The following TOP2A variants were observed in gnomAD, a reference collection of about 807,000 sequenced individuals.
TOP2A encodes DNA topoisomerase II alpha.
Under a neutral mutation model 187.2 loss-of-function variants are expected in TOP2A, and 68 were observed. The ratio of observed to expected loss-of-function variants is 0.36; its 90% CI spans 0.30 to 0.44. The LOEUF (loss-of-function observed/expected upper bound fraction) is 0.44, where lower values mean the gene tolerates loss of function less well. TOP2A is among the 20% of genes least tolerant of loss of function. The pLI is 1.00. For synonymous variants in TOP2A, 542 were observed against 593.2 expected (o/e 0.91, Z 1.25); for missense variants, 1,196 against 1,808.7 (o/e 0.66, Z 6.14).
At chr17:40,408,343 C>T (rs937075995) in intron 11 of TOP2A, 149 bp downstream of exon 11, 17 of 903,560 alleles carry the variant, frequency 1.9e-5, no homozygotes, top group Admixed American at 3.2e-5. Context: ...CTAAATCTTC[C>T]ATAATAGGAA....
chr17:40,401,247 G>A (rs2035176898), intron 20 of TOP2A, among the ~76,000 whole-genome samples, 166 bp from the exon 21 acceptor site: 2 of 152,140 alleles, frequency 1.3e-5, no homozygotes, highest in African/African-American at 4.8e-5. Flanking sequence ...CACGCACATG[G>A]ACATAAAGTC....
intron 7 of TOP2A, 107 bp downstream of exon 7, chr17:40,412,652 A>G: frequency 1.0e-6 from 1 of 956,914 alleles, no homozygotes. Context: ...TCAAACAAAC[A>G]AACAAACAAA....
At chr17:40,407,208 G>A (rs1048359156) in intron 13 of TOP2A, among the ~76,000 whole-genome samples, 4 of 152,200 alleles carry the variant, frequency 2.6e-5, no homozygotes, top group Non-Finnish European at 4.4e-5. Context: ...AGGTTGCAGT[G>A]AGCCAAGATT....
chr17:40,416,170 G>A, intron 3 of TOP2A, 102 bp from the exon 4 acceptor site: 1 of 959,384 alleles, frequency 1.0e-6, no homozygotes, highest in African/African-American at 1.7e-5. Flanking sequence ...AACAGCACAG[G>A]AGTGGCATTA....
rs748032091 is a variant in TOP2A, at chr17:40,400,077, G to A, written c.3001-10C>T. 4 of 1,601,174 alleles carry A rather than the reference G, an allele frequency of 2.5e-6. No individual in the cohort carries two copies. The highest frequency in any genetic ancestry group is 3.4e-6 in the Non-Finnish European group (4 of 1,175,420). On this transcript the variant is annotated splice_polypyrimidine_tract_variant and intron_variant, in intron 23 of 34. Transcript: ENST00000423485. ...CGTGGTCAAAAAGCACCTGAAAAAG[G>A]AAAACAAGATTAGAGCCAAGAATAG...
At chr17:40,403,362 C>G (rs2035204308) in intron 19 of TOP2A, among the ~76,000 whole-genome samples, 1 of 152,152 alleles carries the variant, frequency 6.6e-6, no homozygotes, top group African/African-American at 2.4e-5. Flanking sequence ...TAGCATGTAT[C>G]ACTTTATTCT....
At chr17:40,397,048 A>G (rs2044790370) in intron 27 of TOP2A, among the ~76,000 whole-genome samples, 1 of 151,632 alleles carries the variant, frequency 6.6e-6, no homozygotes, top group African/African-American at 2.4e-5. Flanking sequence ...ATGCCTGGCT[A>G]TTTAAAAAAA....
chr17:40,390,371 G>T (rs2035007369), intron 33 of TOP2A, among the ~76,000 whole-genome samples: 1 of 151,586 alleles, frequency 6.6e-6, no homozygotes, highest in Non-Finnish European at 1.5e-5. Context: ...TGTATTTTTA[G>T]TAGAGATGGG....
intron 1 of TOP2A, 25 bp downstream of exon 1, chr17:40,417,746 C>G (rs377511086): frequency 6.2e-7 from 1 of 1,612,416 alleles, no homozygotes; most frequent in Admixed American, 1.7e-5. Context: ...GAGGCTCCAC[C>G]GCCAGTCCCC....
At chr17:40,392,799 T>A (rs2035042122) in intron 29 of TOP2A, 62 bp from the exon 30 acceptor site, 1 of 1,301,266 alleles carries the variant, frequency 7.7e-7, no homozygotes, top group Non-Finnish European at 1.1e-6. Context: ...CCATCTATCA[T>A]CCATCCATCC....
intron 17 of TOP2A, 57 bp downstream of exon 17, chr17:40,404,734 C>G: frequency 1.7e-6 from 2 of 1,144,040 alleles, no homozygotes; most frequent in South Asian, 1.3e-5. Flanking sequence ...GCTATAGTAT[C>G]AATACCAAAA....
intron 20 of TOP2A, among the ~76,000 whole-genome samples, chr17:40,402,059 G>A (rs761043282): frequency 5.3e-5 from 8 of 152,154 alleles, no homozygotes; most frequent in Non-Finnish European, 1.2e-4. Flanking sequence ...TAGATGAGAT[G>A]GGGGTGGCTT....
At chr17:40,397,945 A>G (rs191434595) in intron 27 of TOP2A, among the ~76,000 whole-genome samples, 2 of 149,080 alleles carry the variant, frequency 1.3e-5, no homozygotes, top group African/African-American at 4.9e-5. Flanking sequence ...CGCCTGGCTA[A>G]TTTTGCAATT....
intron 29 of TOP2A, among the ~76,000 whole-genome samples, chr17:40,393,251 T>C (rs951161043): frequency 4.6e-5 from 7 of 151,816 alleles, no homozygotes; most frequent in Admixed American, 3.3e-4. Flanking sequence ...TGTTTGAGCC[T>C]GGGAGGTCGA....
At chr17:40,399,779 CCT>C in intron 24 of TOP2A, 91 bp downstream of exon 24, 1 of 1,063,478 alleles carries the variant, frequency 9.4e-7, no homozygotes. Flanking sequence ...ATGGATTTTG[CCT>C]CTTTCTCCAC....
intron 33 of TOP2A, chr17:40,391,241 G>C (rs1598606957): frequency 3.1e-6 from 1 of 318,788 alleles, no homozygotes; most frequent in East Asian, 6.8e-5. Flanking sequence ...TTTTTGACTA[G>C]TCAAGTGCAG....
intron 28 of TOP2A, 105 bp downstream of exon 28, chr17:40,396,178 A>G: frequency 1.6e-6 from 1 of 606,742 alleles, no homozygotes; most frequent in Non-Finnish European, 2.8e-6. Context: ...ACAGGGTTTC[A>G]ACCATGTTGG....
rs1034468042 is a variant in TOP2A, at chr17:40,417,534, C to A, written c.21+237G>T. ...CCACTACGGGACCAACGGACTCCTGCCCCTAGAAACAGGGCAACAACGCAC... is the reference window on the plus strand; with the variant it reads ...CCACTACGGGACCAACGGACTCCTGACCCTAGAAACAGGGCAACAACGCAC... On this transcript the variant is annotated intron_variant, in intron 1 of 34. Coordinates refer to ENST00000423485, the MANE Select transcript of TOP2A (RefSeq NM_001067.4). The A allele has an allele frequency of 1.3e-5, 18 of 1,423,806 alleles. No individual in the cohort carries two copies. In the African/African-American group the frequency reaches 2.4e-4, roughly 19 times the overall value. 88.2% of individuals were successfully genotyped at this position (1,423,806 alleles called of 1,614,324 possible).
Position 40,395,429 on chromosome 17 carries a change from T to G in TOP2A, c.3811+20A>C. On this transcript the variant is annotated intron_variant, in intron 29 of 34. Coordinates refer to ENST00000423485, the MANE Select transcript of TOP2A (RefSeq NM_001067.4). The stretch of plus-strand genomic sequence containing the variant: ...ATTTAATCTTCACTTTATACCATTT[T>G]TCTAAAAATGTTGTAATACCTGGTT... The G allele has an allele frequency of 6.5e-7, 1 of 1,533,708 alleles. No individual in the cohort carries two copies. The highest frequency in any genetic ancestry group is 9.0e-7 in the Non-Finnish European group (1 of 1,116,900).
Sources: allele counts gnomAD v4.1 joint callset (sites outside exome capture counted in the v4.1 genomes callset), GRCh38; gene constraint gnomAD v4.1.1; transcripts MANE v1.5; gene names NCBI Gene and HGNC (gene_info 2026-07-23, HGNC 2026-07-21).